The following DCAF4 variants were observed in gnomAD, a reference collection of about 807,000 sequenced individuals.
The protein encoded by DCAF4 is DDB1- and CUL4-associated factor 4.
A neutral mutation model predicts 60.9 loss-of-function variants in DCAF4; 37 were observed. The ratio of observed to expected loss-of-function variants is 0.61; its 90% confidence interval spans 0.47 to 0.80. The LOEUF is 0.80. Ranked by LOEUF, DCAF4 falls within the 30% of genes least tolerant of loss-of-function variation. The pLI is 0.00. For synonymous variants in DCAF4, 243 were observed against 254.8 expected (o/e 0.95, Z 0.44); for missense variants, 577 against 650.0 (o/e 0.89, Z 1.22).
At position 72,959,628 on chromosome 14, in the gene DCAF4, A is replaced by C. The variant is rs1339569551; in HGVS notation, c.*823A>C. The C allele has an allele frequency of 4.1e-6, 4 of 985,474 alleles. No homozygotes were observed. The highest frequency in any genetic ancestry group is 4.8e-6 in the Non-Finnish European group (4 of 829,940). The allele number at this position is 985,474 out of a possible 1,614,324, so 61.0% of individuals were successfully genotyped here. Reference sequence around the variant, plus strand: ...TAAAGAGCCTGTTTTTCTACCAAACAATAAAACCAAGAGAAGAATCATGGT... The same window carrying C: ...TAAAGAGCCTGTTTTTCTACCAAACCATAAAACCAAGAGAAGAATCATGGT... On this transcript the variant is annotated 3_prime_UTR_variant, in exon 14 of 14. Coordinates refer to ENST00000358377, the MANE Select transcript of DCAF4 (RefSeq NM_015604.4).
At chr14:72,954,007 C>A (rs1174609185) in intron 9 of DCAF4, among the ~76,000 whole-genome samples, 157 bp from the exon 10 acceptor site, 1 of 151,854 alleles carries the variant, frequency 6.6e-6, no homozygotes, top group Non-Finnish European at 1.5e-5. Flanking sequence ...GCCAGGCATC[C>A]CAGCTGAGTC....
chr14:72,937,687 G>A (rs1402167601), intron 1 of DCAF4, among the ~76,000 whole-genome samples: 1 of 152,122 alleles, frequency 6.6e-6, no homozygotes, highest in Non-Finnish European at 1.5e-5. Context: ...CCAAAGTGCT[G>A]GGATTACAGG....
rs376943869 is a variant in DCAF4, at chr14:72,947,150, G to C, written c.687G>C (p.Ser229=). ...NLYFTNRKVN[S]VCWASLNHLD... is the part of the protein sequence containing the mutation. Reference sequence around the variant, plus strand: ...GTGTGCTTCCTCACCAGGTGAATTCGGTGTGCTGGGCCTCGCTGAATCACT... The same window carrying C: ...GTGTGCTTCCTCACCAGGTGAATTCCGTGTGCTGGGCCTCGCTGAATCACT... Residue 229 remains serine (S), a synonymous_variant, in exon 8 of 14, where the codon TCG becomes TCC. Coordinates refer to ENST00000358377, the MANE Select transcript of DCAF4 (RefSeq NM_015604.4). The C allele has an allele frequency of 5.0e-6, 8 of 1,614,080 alleles. No homozygotes were observed. In the East Asian group the frequency reaches 1.8e-4, roughly 36 times the overall value.
At chr14:72,949,962 C>T (rs754369146) in intron 8 of DCAF4, among the ~76,000 whole-genome samples, 4 of 152,128 alleles carry the variant, frequency 2.6e-5, no homozygotes, top group Non-Finnish European at 5.9e-5. Flanking sequence ...GGATTGCAGC[C>T]ACCTTCCTGG....
Position 72,929,224 on chromosome 14 carries a change from G to A in DCAF4, c.-9+2681G>A, listed in dbSNP as rs970679981. Among the ~76,000 whole-genome samples the A allele has an allele frequency of 2.0e-5, 3 of 152,146 alleles. No individual in the cohort carries two copies. The East Asian group carries it at 5.8e-4, about 29-fold the overall frequency. On this transcript the variant is annotated intron_variant, in intron 1 of 13. Coordinates refer to ENST00000358377, the MANE Select transcript of DCAF4 (RefSeq NM_015604.4). Reference sequence around the variant, plus strand: ...AAGAGCCTGTAATTCCGGAAGCTGCGGGCTCCCAAACCAGACACCATTTTG... The same window carrying A: ...AAGAGCCTGTAATTCCGGAAGCTGCAGGCTCCCAAACCAGACACCATTTTG...
chr14:72,959,568 T>G lies in DCAF4; in HGVS notation c.*763T>G, dbSNP rs547969047. 1 of 985,388 alleles carries G rather than the reference T, an allele frequency of 1.0e-6. No individual in the cohort carries two copies. The highest frequency in any genetic ancestry group is 4.7e-5 in the South Asian group (1 of 21,282). 61.0% of individuals were successfully genotyped at this position (985,388 alleles called of 1,614,324 possible). On this transcript the variant is annotated 3_prime_UTR_variant, in exon 14 of 14. Coordinates refer to ENST00000358377, the MANE Select transcript of DCAF4 (RefSeq NM_015604.4). Reference sequence around the variant, plus strand: ...AAATTGGTTTTGACTTTTTGTAATCTAGGAGCGACAGTTCGTGAGATGTTT... The same window carrying G: ...AAATTGGTTTTGACTTTTTGTAATCGAGGAGCGACAGTTCGTGAGATGTTT...
chr14:72,941,964 C>T lies in DCAF4; in HGVS notation c.431+140C>T, dbSNP rs1417910468. On this transcript the variant is annotated intron_variant, in intron 5 of 13. Coordinates refer to ENST00000358377, the MANE Select transcript of DCAF4 (RefSeq NM_015604.4). ...TGCACAGTTGAGGGGCTCCAGTTCA[C>T]ACCCTGCCTTCTGCTGCTTAAACCC... 6.0e-6 allele frequency: 5 copies of T among 834,946 alleles called. No homozygotes were observed. In the African/African-American group the frequency reaches 8.6e-5, roughly 14 times the overall value. The allele number at this position is 834,946 out of a possible 1,614,324, so 51.7% of individuals were successfully genotyped here.
intron 13 of DCAF4, among the ~76,000 whole-genome samples, chr14:72,958,307 G>C (rs1892553785): frequency 6.6e-6 from 1 of 152,136 alleles, no homozygotes; most frequent in African/African-American, 2.4e-5. Context: ...ATGTCACCTA[G>C]ACCAGGTGGG....
At chr14:72,938,182 C>A in intron 2 of DCAF4, 112 bp downstream of exon 2, 2 of 1,400,114 alleles carry the variant, frequency 1.4e-6, no homozygotes, top group East Asian at 2.5e-5. Flanking sequence ...CGTCCCAATG[C>A]AGGTTCTGAT....
At chr14:72,962,076 A>G, downstream of DCAF4, 1 of 999,922 alleles carries the variant, frequency 1.0e-6, no homozygotes, top group Non-Finnish European at 1.2e-6. Context: ...GTTATTTTAC[A>G]TTAAAAAAAT....
rs1200581842 is a variant in DCAF4 at position 72,926,544 on chromosome 14, G to A, written c.-9+1G>A. 2 of 152,352 alleles carry A rather than the reference G, an allele frequency of 1.3e-5. No homozygotes were observed. Among genetic ancestry groups the A allele is most frequent in the Non-Finnish European group, 2.9e-5 (2 of 68,164 alleles). 9.4% of individuals were successfully genotyped at this position (152,352 alleles called of 1,614,324 possible). On this transcript the variant is annotated splice_donor_variant, in intron 1 of 13. Coordinates refer to ENST00000358377, the MANE Select transcript of DCAF4 (RefSeq NM_015604.4). LOFTEE classifies it low-confidence loss of function (5UTR_SPLICE). The stretch of plus-strand genomic sequence containing the variant: ...AATCCGGAAGGGACACGCTGAACAG[G>A]TAAGACTGTGCTGCCTGGGGTGCCT...
chr14:72,929,662 G>A, intron 1 of DCAF4: 1 of 1,336,238 alleles, frequency 7.5e-7, no homozygotes, highest in Admixed American at 1.9e-5. Context: ...ACCTTGCTCA[G>A]CTCCTCCCGC....
intron 1 of DCAF4, among the ~76,000 whole-genome samples, chr14:72,928,376 TAG>T (rs1345622603): frequency 2.7e-5 from 4 of 149,602 alleles, no homozygotes; most frequent in African/African-American, 9.9e-5. Context: ...TGTATTTTAG[TAG>T]AGACAGGTTT....
chr14:72,940,566 T>A, intron 4 of DCAF4, 189 bp downstream of exon 4: 2 of 470,090 alleles, frequency 4.3e-6, no homozygotes. Flanking sequence ...CCTTCTTCCA[T>A]CCCCGTTTTC....
Position 72,959,408 on chromosome 14 carries a change from T to C in DCAF4, c.*603T>C. On this transcript the variant is annotated 3_prime_UTR_variant, in exon 14 of 14. Coordinates refer to ENST00000358377, the MANE Select transcript of DCAF4 (RefSeq NM_015604.4). The stretch of plus-strand genomic sequence containing the variant: ...CAAAGGCGTTGGAAGGAAAGATGGA[T>C]CTTCTTACATGCTAGAAGTTTTAAA... 1 of 985,450 alleles carries C rather than the reference T, an allele frequency of 1.0e-6. No individual in the cohort carries two copies. The highest frequency in any genetic ancestry group is 1.2e-6 in the Non-Finnish European group (1 of 829,954). 61.0% of individuals were successfully genotyped at this position (985,450 alleles called of 1,614,324 possible).
chr14:72,944,156 C>T (rs1462726732), intron 6 of DCAF4, among the ~76,000 whole-genome samples: 1 of 152,118 alleles, frequency 6.6e-6, no homozygotes, highest in East Asian at 1.9e-4. Context: ...CATCTCGACC[C>T]TCATGCTTCC....
intron 1 of DCAF4, chr14:72,929,743 C>T: frequency 1.9e-6 from 2 of 1,036,322 alleles, no homozygotes; most frequent in Non-Finnish European, 3.0e-6. Flanking sequence ...TCCTTGAAGA[C>T]CTTCAGTGAC....
chr14:72,955,840 A>G, intron 12 of DCAF4, 144 bp downstream of exon 12: 2 of 711,096 alleles, frequency 2.8e-6, no homozygotes, highest in Non-Finnish European at 4.7e-6. Context: ...TAGGCCCTGC[A>G]TGGGGACTGC....
chr14:72,929,990 G>T, intron 1 of DCAF4: 1 of 668,730 alleles, frequency 1.5e-6, no homozygotes, highest in Non-Finnish European at 2.6e-6. Flanking sequence ...AAATTAGCCT[G>T]GTGTTGTGGC....
Sources: gnomAD v4.1 joint callset for allele counts (sites outside exome capture counted in the v4.1 genomes callset) on GRCh38, gnomAD v4.1.1 for gene constraint, MANE v1.5 for transcripts, NCBI Gene and HGNC (gene_info 2026-07-23, HGNC 2026-07-21) for gene names.